GC: variants seen among roughly 807,000 people sequenced by gnomAD.
GC encodes the protein vitamin D-binding protein.
In GC, 43 loss-of-function variants were observed where a neutral mutation model predicts 56.7. That is an observed-to-expected ratio of 0.76 (90% CI 0.59 to 0.98). The LOEUF (loss-of-function observed/expected upper bound fraction) is 0.98. Ranked by LOEUF, GC falls within the 50% of genes least tolerant of loss-of-function variation. The probability of loss-of-function intolerance (pLI) is 0.00; values close to 1 mark genes in which losing one functional copy is unlikely to be tolerated. For missense variants in GC, 529 were observed against 545.9 expected, an observed-to-expected ratio of 0.97 and a Z score of 0.31; for synonymous variants, 216 against 202.7, an observed-to-expected ratio of 1.07 and a Z score of -0.56.
chr4:71,754,590 T>C (rs1741656155), intron 9 of GC, 82 bp from the exon 10 acceptor site: 2 of 769,808 alleles, frequency 2.6e-6, no homozygotes, highest in Admixed American at 2.4e-5. Flanking sequence ...AAATTCCAAA[T>C]ATTGTATCAT....
In GC at chr4:71,756,901, G is replaced by C. The variant is rs1319657768; in HGVS notation, c.845C>G (p.Thr282Arg). The change falls in exon 8 of 13, where the codon ACA (threonine) becomes AGA (arginine). Residue 282 changes from threonine to arginine, a missense_variant. Physicochemically the swap from Thr to Arg is moderately conservative, Grantham distance 71 (BLOSUM62 -1). Coordinates refer to ENST00000273951, the MANE Select transcript of GC (RefSeq NM_000583.4). ...GGATAAATTGTCACAGAGTTTTACTGTGTGTTCAGGCAGCTACAAAACGAA... is the reference window on the plus strand; with the variant it reads ...GGATAAATTGTCACAGAGTTTTACTCTGTGTTCAGGCAGCTACAAAACGAA... ...DCMAKELPEH[T>R]VKLCDNLSTK... 1.9e-6 allele frequency: 3 copies of C among 1,607,914 alleles called. No individual in the cohort carries two copies. Among genetic ancestry groups the C allele is most frequent in the African/African-American group, 2.7e-5 (2 of 74,786 alleles).
At chr4:71,754,061 T>TA (rs1741640635) in intron 10 of GC, among the ~76,000 whole-genome samples, 2 of 152,252 alleles carry the variant, frequency 1.3e-5, no homozygotes, top group East Asian at 1.9e-4. Context: ...CAACTACTTT[T>TA]AAAAAAATAA....
intron 1 of GC, among the ~76,000 whole-genome samples, chr4:71,774,560 C>G (rs1247043415): frequency 6.6e-6 from 1 of 151,942 alleles, no homozygotes; most frequent in African/African-American, 2.4e-5. Context: ...ATATCCCCTG[C>G]ATTTAATTTG....
intron 11 of GC, among the ~76,000 whole-genome samples, chr4:71,746,926 GGGA>G (rs151324787): frequency 0.14 from 21,140 of 151,854 alleles, 3,555 homozygotes; most frequent in African/African-American, 0.39. Flanking sequence ...GACTGGAGGT[GGGA>G]GGAGACCAAT....
At position 71,765,433 on chromosome 4, in the gene GC, G is replaced by T. The variant is rs762419363; in HGVS notation, c.472C>A (p.Gln158Lys). The change falls in exon 4 of 13, where the codon CAA becomes AAA. Residue 158 changes from glutamine (Q) to lysine (K), a missense_variant and splice_region_variant. Physicochemically the swap from Gln to Lys is moderately conservative, Grantham distance 53 (BLOSUM62 1). Coordinates refer to ENST00000273951, the MANE Select transcript of GC (RefSeq NM_000583.4). ...TCTATTTATGATGAAGGCACTCACT[G>T]ATTAGCATATTCCTTTGGATCTTTC... ...FRKDPKEYAN[Q>K]FMWEYSTNYG... is the part of the protein sequence containing the mutation. 2 of 1,610,574 alleles carry T rather than the reference G, an allele frequency of 1.2e-6. No individual in the cohort carries two copies. Among genetic ancestry groups the T allele is most frequent in the Non-Finnish European group, 1.7e-6 (2 of 1,177,152 alleles).
chr4:71,783,878 C>G, intron 1 of GC, 83 bp downstream of exon 1: 1 of 1,059,872 alleles, frequency 9.4e-7, no homozygotes, highest in Non-Finnish European at 1.3e-6. Context: ...CTGTTTCTTA[C>G]TTTTTATTTC....
intron 1 of GC, among the ~76,000 whole-genome samples, chr4:71,782,923 T>C (rs1054048444): frequency 2.6e-5 from 4 of 151,886 alleles, no homozygotes; most frequent in African/African-American, 7.2e-5. Context: ...GACTTTGTAG[T>C]CTTACCTAAG....
intron 8 of GC, 29 bp downstream of exon 8, chr4:71,756,683 G>A: frequency 6.6e-7 from 1 of 1,513,300 alleles, no homozygotes; most frequent in Non-Finnish European, 9.2e-7. Context: ...CTTAAAATGG[G>A]AAAACGTTTT....
intron 11 of GC, among the ~76,000 whole-genome samples, chr4:71,748,779 CACTA>C (rs1741458079): frequency 6.6e-6 from 1 of 152,042 alleles, no homozygotes; most frequent in Non-Finnish European, 1.5e-5. Context: ...TGTAATGAAA[CACTA>C]AGTATGGTTC....
At chr4:71,766,851 T>C (rs1453374639) in intron 3 of GC, among the ~76,000 whole-genome samples, 1 of 152,140 alleles carries the variant, frequency 6.6e-6, no homozygotes, top group African/African-American at 2.4e-5. Context: ...GTTGACAAAA[T>C]GTCAAAACAC....
intron 1 of GC, among the ~76,000 whole-genome samples, chr4:71,794,037 G>A (rs943948956): frequency 6.6e-6 from 1 of 152,168 alleles, no homozygotes; most frequent in Non-Finnish European, 1.5e-5. Flanking sequence ...GCTTTTTGAT[G>A]TGCTGCTGGA....
chr4:71,752,723 G>C (rs1453187350), intron 10 of GC, 73 bp from the exon 11 acceptor site: 2 of 1,248,590 alleles, frequency 1.6e-6, no homozygotes, highest in Non-Finnish European at 2.3e-6. Flanking sequence ...CAAAATAATA[G>C]CCATTTCAGA....
Position 71,741,811 on chromosome 4 carries a change from A to C in GC, c.*85T>G, listed in dbSNP as rs1321526334. 1 of 702,936 alleles carries C rather than the reference A, an allele frequency of 1.4e-6. No homozygotes were observed. Among genetic ancestry groups the C allele is most frequent in the African/African-American group, 1.7e-5 (1 of 57,394 alleles). 43.5% of individuals were successfully genotyped at this position (702,936 alleles called of 1,614,324 possible). A position where few individuals can be genotyped will look rare whatever the true frequency, so the allele number is the denominator to read the frequency against. On this transcript the variant is annotated 3_prime_UTR_variant, in exon 13 of 13. Coordinates refer to ENST00000273951, the MANE Select transcript of GC (RefSeq NM_000583.4). ...ATCCTAGTTGTCTTCCCAGAAGCTC[A>C]GTGGTTTTGCTTAGGTTAGGTCATC...
rs147524345 is a variant in GC at position 71,759,782 on chromosome 4, C to A, written c.702-1611G>T. On this transcript the variant is annotated intron_variant, in intron 6 of 12. Coordinates refer to ENST00000273951, the MANE Select transcript of GC (RefSeq NM_000583.4). ...GACTTATAGAAGTTCCTTATATATT[C>A]CGAATATTAAACCCTTATCAGATAG... Among the ~76,000 whole-genome samples, 8 of 152,264 alleles carry A rather than the reference C, an allele frequency of 5.3e-5. No individual in the cohort carries two copies. The East Asian group carries it at 1.5e-3, about 29-fold the overall frequency.
chr4:71,784,709 G>A (rs772791770), upstream of GC, among the ~76,000 whole-genome samples: 3 of 151,696 alleles, frequency 2.0e-5, no homozygotes, highest in Non-Finnish European at 4.4e-5. Flanking sequence ...TTGAAGTGAG[G>A]CAAATAACTG....
At position 71,755,093 on chromosome 4, in the gene GC, A is replaced by T. The variant is rs773741845; in HGVS notation, c.1049T>A (p.Leu350Gln). Residue 350 changes from leucine to glutamine, a missense_variant, in exon 9 of 13, where the codon CTA (leucine) becomes CAA (glutamine). Leu to Gln is a moderately radical substitution (Grantham distance 113). Transcript: ENST00000273951. ...TKVMDKYTFE[L>Q]SRRTHLPEVF... is the part of the protein sequence containing the mutation. ...TTCCGGAAGATGAGTCCTTCTGCTT[A>T]GTTCAAATGTATACCTAGCATGAGG... is the stretch of plus-strand genomic sequence containing the variant. 6 of 1,570,832 alleles carry T rather than the reference A, an allele frequency of 3.8e-6. No individual in the cohort carries two copies. In the African/African-American group the frequency reaches 5.5e-5, roughly 14 times the overall value.
upstream of GC, among the ~76,000 whole-genome samples, chr4:71,787,816 C>T (rs1742875963): frequency 6.6e-6 from 1 of 151,848 alleles, no homozygotes; most frequent in Admixed American, 6.6e-5. Flanking sequence ...GCCCAAGTTT[C>T]TAGCTTGTGC....
chr4:71,795,970 T>C (rs1055909754), intron 1 of GC, among the ~76,000 whole-genome samples: 4 of 152,232 alleles, frequency 2.6e-5, no homozygotes, highest in African/African-American at 9.6e-5. Flanking sequence ...TCTTTAAGAA[T>C]TTTGAATATT....
At chr4:71,754,881 C>A in intron 9 of GC, 97 bp downstream of exon 9, 1 of 718,146 alleles carries the variant, frequency 1.4e-6, no homozygotes, top group South Asian at 2.2e-5. Flanking sequence ...AGTTTGTAGG[C>A]CATAAAAAAG....
Sources: gnomAD v4.1 joint callset for allele counts (sites outside exome capture counted in the v4.1 genomes callset) on GRCh38, gnomAD v4.1.1 for gene constraint, MANE v1.5 for transcripts, NCBI Gene and HGNC (gene_info 2026-07-23, HGNC 2026-07-21) for gene names.